RELCH: variants seen among roughly 807,000 people sequenced by gnomAD.
The protein encoded by RELCH is RAB11-binding protein RELCH.
RELCH carries 41 observed loss-of-function variants against 150.3 expected under a neutral mutation model. The observed-to-expected ratio is 0.27, with a 90% confidence interval of 0.21 to 0.35. The LOEUF is 0.35. Among genes scored for constraint, RELCH ranks in the 10% least tolerant of loss-of-function variants. RELCH has a pLI of 1.00. For missense variants in RELCH, 1,092 were observed against 1,467.8 expected, an observed-to-expected ratio of 0.74 and a Z score of 4.18; for synonymous variants, 478 against 531.8, an observed-to-expected ratio of 0.90 and a Z score of 1.39.
intron 5 of RELCH, among the ~76,000 whole-genome samples, chr18:62,222,420 C>G (rs55942308): frequency 0.16 from 24,659 of 151,116 alleles, 2,696 homozygotes; most frequent in Middle Eastern, 0.28. Flanking sequence ...TTTAAATGAT[C>G]GACTAAACAG....
chr18:62,221,979 TTATTA>T (rs2040904861), intron 5 of RELCH, among the ~76,000 whole-genome samples: 1 of 151,990 alleles, frequency 6.6e-6, no homozygotes, highest in African/African-American at 2.4e-5. Flanking sequence ...TAGAACTTTA[TTATTA>T]TTTTCCTGAT....
At chr18:62,294,430 C>G (rs572011662) in intron 27 of RELCH, among the ~76,000 whole-genome samples, 6 of 152,234 alleles carry the variant, frequency 3.9e-5, no homozygotes, top group South Asian at 2.1e-4. Context: ...TTGCATTTCT[C>G]TAATTACTGT....
At chr18:62,241,153 C>T (rs529681884) in intron 10 of RELCH, among the ~76,000 whole-genome samples, 1 of 152,294 alleles carries the variant, frequency 6.6e-6, no homozygotes, top group South Asian at 2.1e-4. Context: ...TCTTTGTCTC[C>T]TTGCAGTTAG....
intron 5 of RELCH, among the ~76,000 whole-genome samples, chr18:62,226,421 A>T (rs570833593): frequency 6.6e-6 from 1 of 152,220 alleles, no homozygotes; most frequent in South Asian, 2.1e-4. Context: ...AAGTATTTGT[A>T]ATAATATGAA....
chr18:62,221,246 A>G lies in RELCH; in HGVS notation c.716A>G (p.Lys239Arg). ...AEHEVPLQER[K>R]NYKSSPEIQE... is the part of the protein sequence containing the mutation. ...CATGAAGTTCCTTTACAGGAACGAA[A>G]AAATTACAAATCAAGTCCTGAAATT... is the stretch of plus-strand genomic sequence containing the variant. Residue 239 changes from lysine (K) to arginine (R), a missense_variant, in exon 4 of 29, where the codon AAA (lysine) becomes AGA (arginine). Around this residue, in one of 4 missense-constraint regions of RELCH, gnomAD observed 190 missense variants for 276.2 expected, o/e 0.69. Coordinates refer to ENST00000644646, the MANE Select transcript of RELCH (RefSeq NM_001346231.2). 6.2e-7 allele frequency: 1 copy of G among 1,611,716 alleles called. No individual in the cohort carries two copies. Among genetic ancestry groups the G allele is most frequent in the Non-Finnish European group, 8.5e-7 (1 of 1,178,292 alleles).
chr18:62,231,324 T>G, intron 9 of RELCH, 55 bp downstream of exon 9: 2 of 1,108,066 alleles, frequency 1.8e-6, no homozygotes, highest in Admixed American at 3.8e-5. Context: ...CTGTTTTTCT[T>G]CTTTTTAAGT....
chr18:62,294,194 C>T (rs2045292665), intron 27 of RELCH, among the ~76,000 whole-genome samples: 1 of 152,084 alleles, frequency 6.6e-6, no homozygotes, highest in African/African-American at 2.4e-5. Context: ...TGCACATGTA[C>T]AAAAGTTTGT....
At chr18:62,288,545 A>G (rs1600249161) in intron 26 of RELCH, among the ~76,000 whole-genome samples, 1 of 152,166 alleles carries the variant, frequency 6.6e-6, no homozygotes, top group East Asian at 1.9e-4. Context: ...CTTTGGAAAT[A>G]CTAAAACTGA....
At chr18:62,301,690 T>C (rs1316789350) in intron 28 of RELCH, among the ~76,000 whole-genome samples, 1 of 152,150 alleles carries the variant, frequency 6.6e-6, no homozygotes, top group Non-Finnish European at 1.5e-5. Flanking sequence ...GTGCTAATGC[T>C]GCAGGTCTAG....
At chr18:62,303,871 T>C (rs2045772301) in intron 28 of RELCH, among the ~76,000 whole-genome samples, 1 of 152,244 alleles carries the variant, frequency 6.6e-6, no homozygotes, top group Non-Finnish European at 1.5e-5. Flanking sequence ...TATCAAGAAG[T>C]GACTTTTAGA....
In RELCH at chr18:62,222,362, G is replaced by A. The variant is rs1358454951; in HGVS notation, c.858+865G>A. Among the ~76,000 whole-genome samples the A allele has an allele frequency of 4.6e-5, 7 of 151,824 alleles. No individual in the cohort carries two copies. In the East Asian group the frequency reaches 1.2e-3, roughly 25 times the overall value. On this transcript the variant is annotated intron_variant, in intron 5 of 28. Coordinates refer to ENST00000644646, the MANE Select transcript of RELCH (RefSeq NM_001346231.2). Reference sequence around the variant, plus strand: ...GACATTAAACTAATATTTAACATGAGTATTATACAATGCTATACTATGGTT... The same window carrying A: ...GACATTAAACTAATATTTAACATGAATATTATACAATGCTATACTATGGTT...
chr18:62,254,822 C>A (rs1261340142), intron 12 of RELCH: 1 of 152,174 alleles, frequency 6.6e-6, no homozygotes, highest in Admixed American at 6.6e-5. Context: ...CAGTATGTGT[C>A]ATTTTTTTTG....
At position 62,298,874 on chromosome 18, in the gene RELCH, T is replaced by C. The variant is rs747170342; in HGVS notation, c.3530+14T>C. ...AGAGCCTCAAGGGTAAGACATTAAT[T>C]CTTTTTTTAAGGCTACATGTTAACT... On this transcript the variant is annotated intron_variant, in intron 28 of 28. Coordinates refer to ENST00000644646, the MANE Select transcript of RELCH (RefSeq NM_001346231.2). 6.1e-6 allele frequency: 9 copies of C among 1,470,832 alleles called. No homozygotes were observed. Among genetic ancestry groups the C allele is most frequent in the Non-Finnish European group, 6.6e-6 (7 of 1,065,796 alleles). 91.1% of individuals were successfully genotyped at this position (1,470,832 alleles called of 1,614,324 possible).
At chr18:62,294,935 G>A (rs147333937) in intron 27 of RELCH, among the ~76,000 whole-genome samples, 4 of 152,192 alleles carry the variant, frequency 2.6e-5, no homozygotes, top group African/African-American at 9.6e-5. Flanking sequence ...GTGTATGTAC[G>A]TGCCTGTTAT....
chr18:62,226,417 T>C (rs534382246), intron 5 of RELCH, among the ~76,000 whole-genome samples: 2 of 152,202 alleles, frequency 1.3e-5, no homozygotes, highest in East Asian at 3.9e-4. Flanking sequence ...CCAGAAGTAT[T>C]TGTAATAATA....
At chr18:62,206,529 A>G (rs747744204) in intron 1 of RELCH, among the ~76,000 whole-genome samples, 11 of 152,224 alleles carry the variant, frequency 7.2e-5, no homozygotes, top group African/African-American at 2.4e-4. Flanking sequence ...CTGTATTCCT[A>G]TAACTTCCAT....
intron 5 of RELCH, 127 bp from the exon 6 acceptor site, chr18:62,227,162 A>G (rs1429238234): frequency 4.6e-6 from 3 of 645,534 alleles, no homozygotes; most frequent in Non-Finnish European, 7.9e-6. Context: ...GTGCCACTGT[A>G]CTCCAGCCTG....
intron 5 of RELCH, among the ~76,000 whole-genome samples, chr18:62,223,721 AATTCATT>A (rs1206172577): frequency 2.0e-5 from 3 of 152,264 alleles, no homozygotes; most frequent in African/African-American, 7.2e-5. Context: ...TTAAAAGGAC[AATTCATT>A]ATGACCAAAT....
chr18:62,277,629 G>A, intron 22 of RELCH: 1 of 941,176 alleles, frequency 1.1e-6, no homozygotes. Context: ...AGAAAATGAG[G>A]CATACATATA....
Sources: allele counts gnomAD v4.1 joint callset (sites outside exome capture counted in the v4.1 genomes callset), GRCh38; gene constraint gnomAD v4.1.1; regional missense constraint gnomAD v4.1.1; transcripts MANE v1.5; gene names NCBI Gene and HGNC (gene_info 2026-07-23, HGNC 2026-07-21).